KCNH7: variants seen among roughly 807,000 people sequenced by gnomAD.
The protein encoded by KCNH7 is voltage-gated inwardly rectifying potassium channel KCNH7.
KCNH7 carries 49 observed loss-of-function variants against 120.8 expected under a neutral mutation model. The ratio of observed to expected loss-of-function variants is 0.41; its 90% CI spans 0.32 to 0.51. The LOEUF (loss-of-function observed/expected upper bound fraction) is 0.51. KCNH7 is among the 20% of genes least tolerant of loss of function. The pLI is 0.38. For synonymous variants in KCNH7, 547 were observed against 516.1 expected (o/e 1.06, Z -0.81); for missense variants, 1,097 against 1,446.6 (o/e 0.76, Z 3.92).
intron 2 of KCNH7, among the ~76,000 whole-genome samples, chr2:162,801,313 T>C (rs1684340297): frequency 6.6e-6 from 1 of 151,814 alleles, no homozygotes; most frequent in South Asian, 2.1e-4. Flanking sequence ...CTTAAATATT[T>C]AGGGTGCTGA....
chr2:162,681,700 T>A (rs1395081511), intron 2 of KCNH7, among the ~76,000 whole-genome samples: 1 of 151,726 alleles, frequency 6.6e-6, no homozygotes, highest in East Asian at 1.9e-4. Flanking sequence ...TAAACTTAGA[T>A]TTTAAAATTA....
chr2:162,385,490 T>C (rs1301272113), intron 12 of KCNH7, among the ~76,000 whole-genome samples: 2 of 151,954 alleles, frequency 1.3e-5, no homozygotes, highest in African/African-American at 2.4e-5. Context: ...TGTAGCATAA[T>C]GCAAAGAATA....
At chr2:162,752,938 GAAAAGAAA>G (rs1559116235) in intron 2 of KCNH7, among the ~76,000 whole-genome samples, 4 of 92,436 alleles carry the variant, frequency 4.3e-5, no homozygotes, top group African/African-American at 2.8e-4. Flanking sequence ...GAAAAGAAAA[GAAAAGAAA>G]AGAAAAGAAA....
intron 2 of KCNH7, among the ~76,000 whole-genome samples, chr2:162,823,353 A>G (rs1685179082): frequency 6.6e-6 from 1 of 152,246 alleles, no homozygotes; most frequent in African/African-American, 2.4e-5. Context: ...CTCTAATTAC[A>G]GAATTTCATA....
At chr2:162,460,579 C>T (rs537199424) in intron 6 of KCNH7, among the ~76,000 whole-genome samples, 1 of 152,212 alleles carries the variant, frequency 6.6e-6, no homozygotes, top group Non-Finnish European at 1.5e-5. Context: ...GATGTGTCCA[C>T]AAGCCAAAGA....
At chr2:162,479,672 C>CGTGT (rs1558968101) in intron 6 of KCNH7, among the ~76,000 whole-genome samples, 1 of 108,232 alleles carries the variant, frequency 9.2e-6, no homozygotes, top group Admixed American at 9.4e-5. Flanking sequence ...TGTGTGTGTG[C>CGTGT]ATGTGTGTGT....
In KCNH7 at chr2:162,371,800, T is replaced by C; in HGVS notation, c.*29A>G. On this transcript the variant is annotated 3_prime_UTR_variant, in exon 16 of 16. Transcript: ENST00000332142. ...AAAACAGCCATTAAAAGCACTTACATTGTATGTGGAGTAAATAGTACAAAA... is the reference window on the plus strand; with the variant it reads ...AAAACAGCCATTAAAAGCACTTACACTGTATGTGGAGTAAATAGTACAAAA... The C allele has an allele frequency of 3.2e-6, 5 of 1,583,168 alleles. No individual in the cohort carries two copies. The highest frequency in any genetic ancestry group is 3.5e-6 in the Non-Finnish European group (4 of 1,157,944).
At chr2:162,478,915 C>G (rs1689834847) in intron 6 of KCNH7, among the ~76,000 whole-genome samples, 2 of 152,052 alleles carry the variant, frequency 1.3e-5, no homozygotes, top group Admixed American at 1.3e-4. Flanking sequence ...CAGAACATGT[C>G]CTTAATCATT....
chr2:162,652,971 G>C (rs1490823541), intron 2 of KCNH7, among the ~76,000 whole-genome samples: 1 of 152,128 alleles, frequency 6.6e-6, no homozygotes, highest in Non-Finnish European at 1.5e-5. Flanking sequence ...CCATTGAGCG[G>C]TAAGGCCTTA....
At chr2:162,601,716 T>C (rs1694564200) in intron 2 of KCNH7, among the ~76,000 whole-genome samples, 1 of 152,044 alleles carries the variant, frequency 6.6e-6, no homozygotes, top group Admixed American at 6.6e-5. Flanking sequence ...GAAAGTTACA[T>C]TAAATATTGT....
chr2:162,451,691 A>C (rs776469390), intron 6 of KCNH7, among the ~76,000 whole-genome samples: 1 of 151,970 alleles, frequency 6.6e-6, no homozygotes, highest in African/African-American at 2.4e-5. Flanking sequence ...GTCTCTCTCT[A>C]TATATGTAGA....
At chr2:162,796,572 G>A (rs1202110553) in intron 2 of KCNH7, 2 of 152,022 alleles carry the variant, frequency 1.3e-5, no homozygotes, top group African/African-American at 4.8e-5. Context: ...TACCCACCTT[G>A]TCTTAAACAG....
At chr2:162,756,143 A>G (rs993738179) in intron 2 of KCNH7, among the ~76,000 whole-genome samples, 1 of 152,220 alleles carries the variant, frequency 6.6e-6, no homozygotes, top group Admixed American at 6.5e-5. Flanking sequence ...TTTATTATTC[A>G]GTAAACATCA....
intron 6 of KCNH7, among the ~76,000 whole-genome samples, chr2:162,469,515 TA>T (rs61008269): frequency 0.074 from 11,197 of 152,172 alleles, 1,316 homozygotes; most frequent in African/African-American, 0.25. Flanking sequence ...TCTTAAAGGA[TA>T]TGTGCTTTTG....
intron 2 of KCNH7, among the ~76,000 whole-genome samples, chr2:162,786,412 G>A (rs957716208): frequency 1.3e-5 from 2 of 152,088 alleles, no homozygotes; most frequent in African/African-American, 2.4e-5. Flanking sequence ...ATGCACAGAG[G>A]TAAGCCAATT....
intron 2 of KCNH7, among the ~76,000 whole-genome samples, chr2:162,577,655 A>G (rs1693734573): frequency 6.6e-6 from 1 of 151,990 alleles, no homozygotes; most frequent in South Asian, 2.1e-4. Context: ...AGAGAATACA[A>G]CCTGTTCCTT....
At chr2:162,564,599 GT>G (rs1693188099) in intron 2 of KCNH7, among the ~76,000 whole-genome samples, 1 of 152,044 alleles carries the variant, frequency 6.6e-6, no homozygotes, top group South Asian at 2.1e-4. Flanking sequence ...ATTTATACAG[GT>G]TATTTTCCCT....
intron 3 of KCNH7, among the ~76,000 whole-genome samples, chr2:162,534,331 A>C (rs999159181): frequency 1.7e-4 from 26 of 151,452 alleles, no homozygotes; most frequent in African/African-American, 6.0e-4. Context: ...AAACCAATAA[A>C]AAGTTAAGTC....
intron 2 of KCNH7, among the ~76,000 whole-genome samples, chr2:162,820,825 C>T (rs1295423586): frequency 1.3e-5 from 2 of 152,246 alleles, no homozygotes; most frequent in Non-Finnish European, 1.5e-5. Context: ...TTGATATCTG[C>T]ACTTTTCTCT....
Sources: allele counts gnomAD v4.1 joint callset (sites outside exome capture counted in the v4.1 genomes callset), GRCh38; gene constraint gnomAD v4.1.1; transcripts MANE v1.5; gene names NCBI Gene and HGNC (gene_info 2026-07-23, HGNC 2026-07-21).